The following GHRH variants were observed in gnomAD, a reference collection of about 807,000 sequenced individuals.
GHRH encodes the protein somatoliberin.
In GHRH, 7 loss-of-function variants were observed where a neutral mutation model predicts 15.6. The observed-to-expected ratio is 0.45, with a 90% CI of 0.26 to 0.84. The LOEUF is 0.84. Among genes scored for constraint, GHRH ranks in the 40% least tolerant of loss-of-function variants. The pLI, the probability that GHRH is intolerant of heterozygous loss-of-function variation, is 0.18. For synonymous variants in GHRH, 54 were observed against 50.4 expected, an observed-to-expected ratio of 1.07 and a Z score of -0.30; for missense variants, 117 against 138.0, an observed-to-expected ratio of 0.85 and a Z score of 0.76.
chr20:37,256,664 C>T, intron 2 of GHRH, 143 bp downstream of exon 2: 1 of 751,496 alleles, frequency 1.3e-6, no homozygotes, highest in Non-Finnish European at 2.2e-6. Context: ...GCTGTGTCTG[C>T]CTCCTCTGCA....
At chr20:37,252,360 GGAA>G (rs2068626286) in intron 4 of GHRH, among the ~76,000 whole-genome samples, 1 of 152,204 alleles carries the variant, frequency 6.6e-6, no homozygotes, top group Non-Finnish European at 1.5e-5. Flanking sequence ...AATCGGGTTG[GGAA>G]GAAGGTGAGA....
chr20:37,255,379 G>T (rs2068649049), intron 3 of GHRH, among the ~76,000 whole-genome samples: 1 of 152,028 alleles, frequency 6.6e-6, no homozygotes, highest in Admixed American at 6.6e-5. Context: ...TTAACCCTGG[G>T]CCAGGGCGCA....
chr20:37,253,521 G>A (rs1418773237), intron 4 of GHRH, among the ~76,000 whole-genome samples: 4 of 152,158 alleles, frequency 2.6e-5, no homozygotes, highest in Non-Finnish European at 4.4e-5. Context: ...CTCTGGCTCC[G>A]CACTGGGATA....
At chr20:37,253,052 G>T (rs990899473) in intron 4 of GHRH, among the ~76,000 whole-genome samples, 2 of 152,144 alleles carry the variant, frequency 1.3e-5, no homozygotes, top group African/African-American at 4.8e-5. Context: ...AACAAATCAG[G>T]CTCTAAACCC....
intron 4 of GHRH, among the ~76,000 whole-genome samples, chr20:37,251,988 C>T (rs574253475): frequency 2.1e-4 from 32 of 152,276 alleles, no homozygotes; most frequent in East Asian, 7.7e-4. Flanking sequence ...TTTTAACTCG[C>T]GGGAACAAAG....
At chr20:37,257,076 A>T (rs2068661572) in intron 1 of GHRH, among the ~76,000 whole-genome samples, 168 bp from the exon 2 acceptor site, 1 of 152,316 alleles carries the variant, frequency 6.6e-6, no homozygotes, top group Admixed American at 6.5e-5. Flanking sequence ...ACCTGAGTTC[A>T]TGTTCTGCCT....
At chr20:37,261,358 T>A (rs1250849180) in intron 1 of GHRH, among the ~76,000 whole-genome samples, 2 of 152,216 alleles carry the variant, frequency 1.3e-5, no homozygotes, top group African/African-American at 2.4e-5. Context: ...ATGAGCAGTA[T>A]TGATTTGCAC....
rs1459154765 is a variant in GHRH, at chr20:37,258,032, G to A, written c.-19-1124C>T. 3.3e-5 allele frequency among the ~76,000 whole-genome samples: 5 copies of A among 152,190 alleles called. No homozygotes were observed. Among genetic ancestry groups the A allele is most frequent in the African/African-American group, 9.7e-5 (4 of 41,446 alleles). On this transcript the variant is annotated intron_variant, in intron 1 of 4. Coordinates refer to ENST00000373614, the MANE Select transcript of GHRH (RefSeq NM_021081.6). This position sits in a 1 kb window ranked among gnomAD's most constrained non-coding sequence, Gnocchi z 4.1. ...GAAGAGCCGGGGGATCCAGTGTGGC[G>A]CAGTCATCTCATAGGTCCTGTAACT... is the stretch of plus-strand genomic sequence containing the variant.
At chr20:37,260,707 CA>C (rs2068683250) in intron 1 of GHRH, among the ~76,000 whole-genome samples, 1 of 152,240 alleles carries the variant, frequency 6.6e-6, no homozygotes, top group Non-Finnish European at 1.5e-5. Context: ...TGACTGAAGG[CA>C]CTCCAGAGTT....
intron 1 of GHRH, among the ~76,000 whole-genome samples, chr20:37,259,168 A>T (rs1022486372): frequency 6.6e-6 from 1 of 152,188 alleles, no homozygotes; most frequent in African/African-American, 2.4e-5. Context: ...AGAACACGGG[A>T]TCTACCCCGA....
chr20:37,252,585 G>A (rs775068828), intron 4 of GHRH, among the ~76,000 whole-genome samples: 81 of 152,120 alleles, frequency 5.3e-4, no homozygotes, highest in Non-Finnish European at 8.7e-4. Flanking sequence ...TGGCCAGCAT[G>A]GTGAAACCCC....
rs373008118 is a variant in GHRH at position 37,254,311 on chromosome 20, T to A, written c.207A>T (p.Arg69=). ...SRQQGESNQE[R]GARARLGRQV... ...GACGACCAAGCCGTGCCCTTGCTCCTCGCTCTTGGTTGCTCTCTCTGTGTG... is the reference window on the plus strand; with the variant it reads ...GACGACCAAGCCGTGCCCTTGCTCCACGCTCTTGGTTGCTCTCTCTGTGTG... Residue 69 remains arginine (R), a synonymous_variant, in exon 4 of 5, where the codon CGA becomes CGT. Transcript: ENST00000373614. The A allele has an allele frequency of 3.1e-6, 5 of 1,614,048 alleles. No homozygotes were observed. Among genetic ancestry groups the A allele is most frequent in the Non-Finnish European group, 3.4e-6 (4 of 1,179,986 alleles).
In GHRH at chr20:37,258,138, G is replaced by A. The variant is rs969168651; in HGVS notation, c.-19-1230C>T. On this transcript the variant is annotated intron_variant, in intron 1 of 4. Transcript: ENST00000373614. The surrounding 1 kb of genome is among the most constrained non-coding windows in gnomAD (Gnocchi z 4.1). ...GCAGGGGACAGAGCCCGCCTCCGCT[G>A]GGGCAAGTGCCACTGCTGTCAGCCC... Among the ~76,000 whole-genome samples the A allele has an allele frequency of 2.0e-5, 3 of 152,202 alleles. No individual in the cohort carries two copies. The highest frequency in any genetic ancestry group is 4.4e-5 in the Non-Finnish European group (3 of 68,030).
In GHRH at chr20:37,256,430, C is replaced by T. The variant is rs368475481; in HGVS notation, c.152G>A (p.Arg51His). ...YRKVLGQLSA[R>H]KLLQDIMSRQ... ...GCTCATGATGTCCTGGAGCAGCTTG[C>T]GGGCGGACAGCTGGCCCAGCACCTT... Residue 51 changes from arginine to histidine, a missense_variant, in exon 3 of 5, where the codon CGC (arginine) becomes CAC (histidine). Transcript: ENST00000373614. 12 of 1,612,838 alleles carry T rather than the reference C, an allele frequency of 7.4e-6. No individual in the cohort carries two copies. The African/African-American group carries it at 9.3e-5, about 13-fold the overall frequency.
rs1018218198 is a variant in GHRH, at chr20:37,254,257, C to T, written c.261G>A (p.Lys87=). 6.2e-7 allele frequency: 1 copy of T among 1,614,068 alleles called. No homozygotes were observed. The highest frequency in any genetic ancestry group is 1.3e-5 in the African/African-American group (1 of 74,932). Residue 87 remains lysine, a synonymous_variant, in exon 4 of 5, where the codon AAG becomes AAA. Coordinates refer to ENST00000373614, the MANE Select transcript of GHRH (RefSeq NM_021081.6). ...RQVDSMWAEQ[K]QMELESILVA... is the part of the protein sequence containing the mutation. ...CCAGGATGCTCTCCAATTCCATTTG[C>T]TTTTGTTCTGCCCACATGCTGTCTA...
rs375555586 is a variant in GHRH at position 37,256,899 on chromosome 20, G to A, written c.-10C>T. The A allele has an allele frequency of 1.0e-4, 161 of 1,599,816 alleles. No individual in the cohort carries two copies. Among genetic ancestry groups the A allele is most frequent in the African/African-American group, 2.7e-5 (2 of 74,768 alleles). ...ACACCCAGAGTGGCATCCTTCACCC[G>A]GGGTGGCACCTGCAGAGTGACAGGA... On this transcript the variant is annotated 5_prime_UTR_variant, in exon 2 of 5. Coordinates refer to ENST00000373614, the MANE Select transcript of GHRH (RefSeq NM_021081.6).
intron 3 of GHRH, 78 bp downstream of exon 3, chr20:37,256,316 C>T: frequency 1.2e-6 from 1 of 843,066 alleles, no homozygotes; most frequent in South Asian, 1.7e-5. Flanking sequence ...TGAATTGGTC[C>T]CTGGTCCCCT....
At position 37,256,895 on chromosome 20, in the gene GHRH, A is replaced by G; in HGVS notation, c.-6T>C. Reference sequence around the variant, plus strand: ...AAGAACACCCAGAGTGGCATCCTTCACCCGGGGTGGCACCTGCAGAGTGAC... The same window carrying G: ...AAGAACACCCAGAGTGGCATCCTTCGCCCGGGGTGGCACCTGCAGAGTGAC... On this transcript the variant is annotated 5_prime_UTR_variant, in exon 2 of 5. Coordinates refer to ENST00000373614, the MANE Select transcript of GHRH (RefSeq NM_021081.6). 1 of 1,603,942 alleles carries G rather than the reference A, an allele frequency of 6.2e-7. No individual in the cohort carries two copies. The highest frequency in any genetic ancestry group is 8.5e-7 in the Non-Finnish European group (1 of 1,175,272).
intron 1 of GHRH, among the ~76,000 whole-genome samples, chr20:37,257,945 G>C (rs1323336345): frequency 6.6e-6 from 1 of 152,214 alleles, no homozygotes; most frequent in African/African-American, 2.4e-5. Context: ...AGGGGAGAAG[G>C]GCTCTAAGTC....
Sources: allele counts gnomAD v4.1 joint callset (sites outside exome capture counted in the v4.1 genomes callset), GRCh38; gene constraint gnomAD v4.1.1; non-coding constraint Gnocchi (gnomAD v3.1); transcripts MANE v1.5; gene names NCBI Gene and HGNC (gene_info 2026-07-23, HGNC 2026-07-21).